The following TRPV3 variants were observed in gnomAD, a reference collection of about 807,000 sequenced individuals.
TRPV3 encodes the protein transient receptor potential cation channel subfamily V member 3, also known as VRL-3.
In TRPV3, 88 loss-of-function variants were observed where a neutral mutation model predicts 87.1. The observed-to-expected ratio is 1.01, with a 90% confidence interval of 0.85 to 1.21. The LOEUF (loss-of-function observed/expected upper bound fraction) is 1.21. Ranked by LOEUF, TRPV3 falls within the 50% of genes most tolerant of loss-of-function variation. The pLI is 0.00. For missense variants in TRPV3, 1,054 were observed against 1,030.1 expected (o/e 1.02, Z -0.32); for synonymous variants, 438 against 423.3 (o/e 1.03, Z -0.43).
chr17:3,521,981 CG>C (rs1444116846), intron 13 of TRPV3, among the ~76,000 whole-genome samples: 1 of 152,016 alleles, frequency 6.6e-6, no homozygotes, highest in Non-Finnish European at 1.5e-5. Context: ...GAGGCTGAGG[CG>C]GGAGAATTGC....
At chr17:3,526,270 G>A (rs973314895) in intron 12 of TRPV3, among the ~76,000 whole-genome samples, 1 of 152,206 alleles carries the variant, frequency 6.6e-6, no homozygotes, top group Admixed American at 6.5e-5. Flanking sequence ...TTGAGGTCAG[G>A]AGTTCAAGAC....
At chr17:3,550,128 T>A (rs529256110) in intron 2 of TRPV3, among the ~76,000 whole-genome samples, 174 of 152,280 alleles carry the variant, frequency 1.1e-3, no homozygotes, top group African/African-American at 4.0e-3. Context: ...AATAAGCAGA[T>A]AAACCAACAT....
At chr17:3,535,482 C>G in intron 7 of TRPV3, 91 bp downstream of exon 7, 11 of 1,320,482 alleles carry the variant, frequency 8.3e-6, no homozygotes, top group Non-Finnish European at 1.1e-5. Context: ...CCCCCCTCCT[C>G]CCTTCTTCCC....
intron 2 of TRPV3, among the ~76,000 whole-genome samples, chr17:3,550,520 C>CTTTTTTTTTTTT (rs35400667): frequency 2.2e-5 from 2 of 92,184 alleles, no homozygotes; most frequent in African/African-American, 7.9e-5. Context: ...CCTGCCTGCT[C>CTTTTTTTTTTTT]TTTTTTTTTT....
intron 12 of TRPV3, 111 bp from the exon 13 acceptor site, chr17:3,524,474 C>A: frequency 7.2e-7 from 1 of 1,391,116 alleles, no homozygotes; most frequent in Non-Finnish European, 9.8e-7. Flanking sequence ...ACCCCGGTGA[C>A]GGATGCTGAA....
At chr17:3,554,254 G>T (rs932640646) in intron 2 of TRPV3, 2 of 156,220 alleles carry the variant, frequency 1.3e-5, no homozygotes, top group Admixed American at 6.5e-5. Context: ...TCATCCTATA[G>T]TTGGTGCCAT....
intron 15 of TRPV3, among the ~76,000 whole-genome samples, 200 bp from the exon 16 acceptor site, chr17:3,516,769 G>A (rs1036400871): frequency 7.2e-5 from 11 of 152,236 alleles, no homozygotes; most frequent in African/African-American, 2.7e-4. Context: ...AGCACTTTGG[G>A]AGGCCAAGGT....
At chr17:3,538,031 T>C (rs1044409281) in intron 6 of TRPV3, among the ~76,000 whole-genome samples, 64 of 151,702 alleles carry the variant, frequency 4.2e-4, no homozygotes, top group African/African-American at 1.5e-3. Flanking sequence ...ACTCTGTCTC[T>C]ACTAAAAATA....
chr17:3,521,110 TCCCA>T (rs2074241444), intron 13 of TRPV3, 71 bp from the exon 14 acceptor site: 3 of 667,402 alleles, frequency 4.5e-6, no homozygotes, highest in Non-Finnish European at 5.3e-6. Context: ...TCTTCCTGCT[TCCCA>T]CCCTCTCCCA....
chr17:3,544,453 A>C, intron 4 of TRPV3, 126 bp downstream of exon 4: 2 of 607,506 alleles, frequency 3.3e-6, no homozygotes, highest in Non-Finnish European at 2.8e-6. Context: ...TGGACCCATG[A>C]CTCCACTTGT....
In TRPV3 at chr17:3,524,264, CCA is replaced by C. The variant is rs776072112; in HGVS notation, c.1675_1676del (p.Trp559GlyfsTer27). ...CCCGCGTATAGTAGAGCATGTTCGC[CCA>C]GCCCAGGGCCATGGCCAGCACGAGG... ...ACLVLAMALG[W>X]ANMLYYTRGF... On this transcript the variant is annotated frameshift_variant, in exon 13 of 18. Transcript: ENST00000576742. LOFTEE classifies it high-confidence loss of function. 1 of 1,614,222 alleles carries C rather than the reference CCA, an allele frequency of 6.2e-7. No individual in the cohort carries two copies. The highest frequency in any genetic ancestry group is 8.5e-7 in the Non-Finnish European group (1 of 1,180,040).
rs2074185075 is a variant in TRPV3, at chr17:3,516,554, A to G, written c.2101T>C (p.Leu701=). ...TCTGGTAACATTTTCTCAAACTCCAAGATGGTCCTGGCTCTCTGGGGACAT... is the reference window on the plus strand; with the variant it reads ...TCTGGTAACATTTTCTCAAACTCCAGGATGGTCCTGGCTCTCTGGGGACAT... ...IWRLQRARTI[L]EFEKMLPEWL... is the part of the protein sequence containing the mutation. Residue 701 remains leucine (L), a synonymous_variant, in exon 16 of 18, where the codon TTG becomes CTG. Transcript: ENST00000576742. 6.2e-7 allele frequency: 1 copy of G among 1,614,052 alleles called. No homozygotes were observed. The highest frequency in any genetic ancestry group is 8.5e-7 in the Non-Finnish European group (1 of 1,179,914).
chr17:3,513,645 C>T lies in TRPV3; in HGVS notation c.*272G>A, dbSNP rs2074142673. 2.8e-6 allele frequency: 1 copy of T among 362,462 alleles called. No homozygotes were observed. The highest frequency in any genetic ancestry group is 5.0e-6 in the Non-Finnish European group (1 of 201,096). The allele number at this position is 362,462 out of a possible 1,614,324, so 22.5% of individuals were successfully genotyped here. A position where few individuals can be genotyped will look rare whatever the true frequency, so the allele number is the denominator to read the frequency against. On this transcript the variant is annotated 3_prime_UTR_variant, in exon 18 of 18. Transcript: ENST00000576742. ...GTAAAACCAGAGGCTTCACCCGGGA[C>T]TTCAGGAGGCTCCCAGGCTCCAGAC...
chr17:3,533,311 C>T (rs904416879), intron 7 of TRPV3, among the ~76,000 whole-genome samples: 20 of 152,176 alleles, frequency 1.3e-4, no homozygotes, highest in Non-Finnish European at 2.9e-5. Flanking sequence ...TCCTCCAACA[C>T]GCCGCCTGGG....
At chr17:3,544,542 G>A (rs766076312) in intron 4 of TRPV3, 37 bp downstream of exon 4, 1 of 1,368,244 alleles carries the variant, frequency 7.3e-7, no homozygotes, top group South Asian at 1.2e-5. Context: ...CCCAGCCTGG[G>A]TGGGCACAGT....
rs757580992 is a variant in TRPV3 at position 3,524,192 on chromosome 17, A to G, written c.1743+6T>C. ...GGCCCTCCCGCCGGCGCAGCTCTCA[A>G]CGCACCTTCTGGATCATGACGCTGT... On this transcript the variant is annotated splice_donor_region_variant and intron_variant, in intron 13 of 17. Transcript: ENST00000576742. The G allele has an allele frequency of 1.2e-6, 2 of 1,613,620 alleles. No individual in the cohort carries two copies. Among genetic ancestry groups the G allele is most frequent in the South Asian group, 1.1e-5 (1 of 90,970 alleles).
intron 17 of TRPV3, chr17:3,514,268 A>G: frequency 2.1e-6 from 1 of 486,292 alleles, no homozygotes; most frequent in Non-Finnish European, 3.7e-6. Context: ...TAGTAGAGAC[A>G]AGGTGTCACC....
At chr17:3,542,417 C>T in intron 6 of TRPV3, 105 bp downstream of exon 6, 2 of 1,327,778 alleles carry the variant, frequency 1.5e-6, no homozygotes, top group Non-Finnish European at 2.1e-6. Context: ...TGGGGCTCCT[C>T]AATGGCAGCA....
At chr17:3,523,582 G>A (rs369339488) in intron 13 of TRPV3, among the ~76,000 whole-genome samples, 1 of 151,992 alleles carries the variant, frequency 6.6e-6, no homozygotes, top group African/African-American at 2.4e-5. Flanking sequence ...AGCCAACATG[G>A]TGGTGCGTGC....
Sources: gnomAD v4.1 joint callset for allele counts (sites outside exome capture counted in the v4.1 genomes callset) on GRCh38, gnomAD v4.1.1 for gene constraint, MANE v1.5 for transcripts, NCBI Gene and HGNC (gene_info 2026-07-23, HGNC 2026-07-21) for gene names.